CCNB3: variants seen among roughly 807,000 people sequenced by gnomAD.
The protein encoded by CCNB3 is cyclin B3.
CCNB3 carries 12 observed loss-of-function variants against 68.0 expected under a neutral mutation model. The ratio of observed to expected loss-of-function variants is 0.18; its 90% CI spans 0.11 to 0.29. CCNB3 has a LOEUF of 0.29. Among genes scored for constraint, CCNB3 ranks in the 10% least tolerant of loss-of-function variants. The pLI, the probability that CCNB3 is intolerant of heterozygous loss-of-function variation, is 1.00. For synonymous variants in CCNB3, 354 were observed against 388.9 expected (o/e 0.91, Z 1.06); for missense variants, 904 against 993.1 (o/e 0.91, Z 1.21).
At chrX:50,227,260 A>AAT (rs1226857962) in intron 1 of CCNB3, among the ~76,000 whole-genome samples, 2 of 82,295 alleles carry the variant, frequency 2.4e-5, no homozygotes, top group African/African-American at 4.7e-5. Context: ...TATATATATA[A>AAT]ATATATATAC....
chrX:50,325,403 T>C (rs1344634458), intron 8 of CCNB3, among the ~76,000 whole-genome samples: 2 of 111,710 alleles, frequency 1.8e-5, no homozygotes, highest in African/African-American at 6.5e-5. Context: ...AGGGTTTAGG[T>C]TTTCCAGCAA....
At chrX:50,216,648 T>G (rs1004821742) in intron 1 of CCNB3, among the ~76,000 whole-genome samples, 24 of 112,365 alleles carry the variant, frequency 2.1e-4, no homozygotes, top group Admixed American at 3.8e-4. Context: ...TTAATATGAT[T>G]ATTGATCTGT....
chrX:50,327,044 T>C (rs1218963244), intron 8 of CCNB3, among the ~76,000 whole-genome samples: 2 of 112,174 alleles, frequency 1.8e-5, no homozygotes, highest in Non-Finnish European at 3.8e-5. Flanking sequence ...TTCTGAAGAA[T>C]TGGAAGAGTG....
chrX:50,210,867 G>C (rs1935471054), intron 1 of CCNB3, among the ~76,000 whole-genome samples: 2 of 111,331 alleles, frequency 1.8e-5, no homozygotes. Flanking sequence ...TGGAGATGTG[G>C]GTGGAAAACT....
chrX:50,297,593 G>T (rs1179525763), intron 5 of CCNB3, among the ~76,000 whole-genome samples: 3 of 112,188 alleles, frequency 2.7e-5, no homozygotes, highest in African/African-American at 3.2e-5. Context: ...TTTTGGCTTA[G>T]GATTGACTTG....
chrX:50,308,366 T>A, intron 5 of CCNB3, 139 bp from the exon 6 acceptor site: 1 of 454,414 alleles, frequency 2.2e-6, no homozygotes, highest in Non-Finnish European at 3.9e-6. Context: ...TACCTACTGA[T>A]TTTGTCCCTC....
At chrX:50,305,839 C>A (rs1348013215) in intron 5 of CCNB3, among the ~76,000 whole-genome samples, 3 of 89,095 alleles carry the variant, frequency 3.4e-5, no homozygotes, top group African/African-American at 1.3e-4. Context: ...TGTGGTGGTG[C>A]AATCTTGGCT....
chrX:50,214,566 A>G (rs1435594610), intron 1 of CCNB3, among the ~76,000 whole-genome samples: 1 of 79,931 alleles, frequency 1.3e-5, no homozygotes, highest in Admixed American at 1.6e-4. Flanking sequence ...TATATATATC[A>G]TCTGTCTCTC....
At chrX:50,288,754 C>T in intron 3 of CCNB3, 26 bp from the exon 4 acceptor site, 1 of 1,097,005 alleles carries the variant, frequency 9.1e-7, no homozygotes. Context: ...ATTGGATATA[C>T]TCATTTACCT....
At chrX:50,313,780 G>A in intron 7 of CCNB3, 76 bp from the exon 8 acceptor site, 1 of 728,890 alleles carries the variant, frequency 1.4e-6, no homozygotes, top group Non-Finnish European at 2.1e-6. Flanking sequence ...CTATGAGGGA[G>A]AAGTTAATTG....
At chrX:50,228,652 A>AATATATAGAAT (rs1337195694) in intron 1 of CCNB3, among the ~76,000 whole-genome samples, 8 of 81,869 alleles carry the variant, frequency 9.8e-5, no homozygotes, top group African/African-American at 2.4e-4. Context: ...ATATATATAG[A>AATATATAGAAT]ATATATAGAA....
chrX:50,305,597 T>G (rs1557213418), intron 5 of CCNB3, among the ~76,000 whole-genome samples: 1 of 109,461 alleles, frequency 9.1e-6, no homozygotes, highest in Non-Finnish European at 1.9e-5. Context: ...ATGGCACATG[T>G]GTACATACGT....
intron 11 of CCNB3, among the ~76,000 whole-genome samples, chrX:50,350,372 C>T (rs1923613361): frequency 9.0e-6 from 1 of 111,628 alleles, no homozygotes; most frequent in Admixed American, 9.5e-5. Context: ...TGGCTCAAGG[C>T]CAAGCTGTTA....
At chrX:50,208,761 A>G (rs1238050285) in intron 1 of CCNB3, among the ~76,000 whole-genome samples, 1 of 111,598 alleles carries the variant, frequency 9.0e-6, no homozygotes, top group Non-Finnish European at 1.9e-5. Flanking sequence ...GTTCTCATAT[A>G]ATATGTTGGG....
intron 8 of CCNB3, among the ~76,000 whole-genome samples, chrX:50,323,304 C>T (rs782788548): frequency 2.8e-5 from 3 of 108,949 alleles, no homozygotes; most frequent in Non-Finnish European, 3.8e-5. Flanking sequence ...TCGTTCTCAG[C>T]AAACTATCGC....
At chrX:50,218,455 G>A (rs1041809438) in intron 1 of CCNB3, among the ~76,000 whole-genome samples, 4 of 110,666 alleles carry the variant, frequency 3.6e-5, no homozygotes, top group African/African-American at 1.3e-4. Context: ...TGACTGGCCC[G>A]GGTGTGTGAT....
At chrX:50,334,613 T>G (rs1557218545) in intron 8 of CCNB3, among the ~76,000 whole-genome samples, 1 of 112,563 alleles carries the variant, frequency 8.9e-6, no homozygotes, top group Non-Finnish European at 1.9e-5. Flanking sequence ...GGCCCCACAG[T>G]CTGGGTTAAA....
chrX:50,225,276 T>C (rs1005533773), intron 1 of CCNB3, among the ~76,000 whole-genome samples: 8 of 110,908 alleles, frequency 7.2e-5, no homozygotes, highest in Admixed American at 4.9e-4. Flanking sequence ...TGCGGGAACA[T>C]CTTGTACAAA....
chrX:50,296,088 T>C (rs782279885), intron 5 of CCNB3, among the ~76,000 whole-genome samples: 9 of 111,970 alleles, frequency 8.0e-5, no homozygotes, highest in Non-Finnish European at 1.5e-4. Flanking sequence ...TTTGAATTTC[T>C]TTCATCATTC....
Sources: gnomAD v4.1 joint callset for allele counts (sites outside exome capture counted in the v4.1 genomes callset) on GRCh38, gnomAD v4.1.1 for gene constraint, MANE v1.5 for transcripts, NCBI Gene and HGNC (gene_info 2026-07-23, HGNC 2026-07-21) for gene names.